Variants in TRANK1 observed in about 807,000 individuals in gnomAD.
TRANK1 encodes TPR and ankyrin repeat-containing protein 1.
Under a neutral mutation model 266.0 loss-of-function variants are expected in TRANK1, and 198 were observed. That is an observed-to-expected ratio of 0.74 (90% CI 0.66 to 0.84). The LOEUF is 0.84. Among genes scored for constraint, TRANK1 ranks in the 40% least tolerant of loss-of-function variants. The pLI, the probability that TRANK1 is intolerant of heterozygous loss-of-function variation, is 0.00. For missense variants in TRANK1, 3,326 were observed against 3,634.6 expected (o/e 0.92, Z 2.18); for synonymous variants, 1,396 against 1,384.1 (o/e 1.01, Z -0.19).
intron 1 of TRANK1, among the ~76,000 whole-genome samples, chr3:36,917,714 G>A (rs2125643814): frequency 6.6e-6 from 1 of 152,204 alleles, no homozygotes; most frequent in South Asian, 2.1e-4. Flanking sequence ...TCTGGAGTTG[G>A]TTTTCCCTAT....
chr3:36,934,103 G>T (rs1403518518), intron 1 of TRANK1, among the ~76,000 whole-genome samples: 1 of 152,242 alleles, frequency 6.6e-6, no homozygotes, highest in Non-Finnish European at 1.5e-5. Flanking sequence ...GGAGAGCCAA[G>T]GTACACAGAG....
At chr3:36,928,089 C>T (rs1237630953) in intron 1 of TRANK1, among the ~76,000 whole-genome samples, 1 of 152,174 alleles carries the variant, frequency 6.6e-6, no homozygotes, top group African/African-American at 2.4e-5. Flanking sequence ...AGTATTACAA[C>T]TGGAAACTAG....
At chr3:36,850,963 C>G in intron 15 of TRANK1, 1 of 985,562 alleles carries the variant, frequency 1.0e-6, no homozygotes, top group Non-Finnish European at 1.2e-6. Context: ...CCCCACAGTA[C>G]AGTCAGCAGC....
At chr3:36,923,381 G>A (rs1385581569) in intron 1 of TRANK1, among the ~76,000 whole-genome samples, 2 of 151,374 alleles carry the variant, frequency 1.3e-5, no homozygotes, top group African/African-American at 4.9e-5. Flanking sequence ...TCAGCCTCCC[G>A]AGTGGCTGGG....
intron 12 of TRANK1, 91 bp downstream of exon 12, chr3:36,858,627 T>G: frequency 1.5e-6 from 2 of 1,366,008 alleles, no homozygotes; most frequent in African/African-American, 1.5e-5. Flanking sequence ...ATCACTGGTT[T>G]ACACAAAAGG....
intron 8 of TRANK1, among the ~76,000 whole-genome samples, chr3:36,878,973 T>C (rs1299221294): frequency 2.6e-5 from 4 of 152,120 alleles, no homozygotes; most frequent in African/African-American, 9.7e-5. Context: ...TTTTTATATA[T>C]AAATGCTTTT....
rs2079093464 is a variant in TRANK1 at position 36,858,768 on chromosome 3, T to A, written c.1622A>T (p.Glu541Val). 1 of 1,537,100 alleles carries A rather than the reference T, an allele frequency of 6.5e-7. No individual in the cohort carries two copies. The change falls in exon 12 of 24, where the codon GAA (glutamate) becomes GTA (valine). Residue 541 changes from glutamate (E) to valine (V), a missense_variant. Coordinates refer to ENST00000645898, the MANE Select transcript of TRANK1 (RefSeq NM_001329998.2). ...TGCTGCATGCAAAGGAGTATCACCT[T>A]CCGTGAGAGAAATAGCACGGGGGTC... The part of the protein sequence containing the change: ...GADPRAISLT[E>V]GDTPLHAALH...
At chr3:36,891,947 C>T (rs1031774104) in intron 7 of TRANK1, among the ~76,000 whole-genome samples, 1 of 152,236 alleles carries the variant, frequency 6.6e-6, no homozygotes, top group African/African-American at 2.4e-5. Flanking sequence ...GGTCCCAGGG[C>T]TCCATCCTCC....
chr3:36,908,571 C>T (rs1358842571), intron 1 of TRANK1, 117 bp from the exon 2 acceptor site: 2 of 1,230,918 alleles, frequency 1.6e-6, no homozygotes, highest in African/African-American at 3.1e-5. Context: ...CACCCACCTT[C>T]AAAGGGCACA....
intron 1 of TRANK1, among the ~76,000 whole-genome samples, chr3:36,932,035 C>T (rs1334854892): frequency 6.6e-6 from 1 of 152,162 alleles, no homozygotes; most frequent in African/African-American, 2.4e-5. Flanking sequence ...TTGTTAGATT[C>T]TTGAATTACA....
At chr3:36,843,686 C>T (rs141296672) in intron 17 of TRANK1, among the ~76,000 whole-genome samples, 2 of 149,054 alleles carry the variant, frequency 1.3e-5, no homozygotes, top group African/African-American at 2.5e-5. Flanking sequence ...ACAGTGAATA[C>T]CAGGGTAATA....
At chr3:36,854,330 G>T (rs999154482) in intron 13 of TRANK1, among the ~76,000 whole-genome samples, 5 of 151,764 alleles carry the variant, frequency 3.3e-5, no homozygotes, top group African/African-American at 1.2e-4. Context: ...ACTGCACTCC[G>T]GCCTGAGCAA....
intron 17 of TRANK1, among the ~76,000 whole-genome samples, chr3:36,845,635 T>G (rs2078904407): frequency 6.6e-6 from 1 of 152,240 alleles, no homozygotes; most frequent in African/African-American, 2.4e-5. Flanking sequence ...CTACCCATAC[T>G]GTTTTAAATT....
intron 8 of TRANK1, among the ~76,000 whole-genome samples, chr3:36,879,853 T>TATACAAATATTTGTAAAC (rs2079477676): frequency 1.2e-5 from 1 of 86,798 alleles, no homozygotes. Flanking sequence ...TATATGTAAA[T>TATACAAATATTTGTAAAC]ATACAAATAT....
intron 1 of TRANK1, among the ~76,000 whole-genome samples, chr3:36,938,497 G>A (rs569212719): frequency 3.5e-4 from 53 of 152,164 alleles, no homozygotes; most frequent in African/African-American, 8.7e-4. Context: ...GATTACAGGC[G>A]TGAGCCACCA....
At chr3:36,941,639 G>A (rs1048401704) in intron 1 of TRANK1, among the ~76,000 whole-genome samples, 2 of 152,156 alleles carry the variant, frequency 1.3e-5, no homozygotes, top group African/African-American at 4.8e-5. Context: ...TGACATTTTT[G>A]TGTTCCAAAG....
chr3:36,888,061 T>G (rs2079632841), intron 8 of TRANK1, among the ~76,000 whole-genome samples: 1 of 152,194 alleles, frequency 6.6e-6, no homozygotes, highest in East Asian at 1.9e-4. Context: ...ACAGCAGCAT[T>G]ATTCATAATA....
At chr3:36,905,003 G>A (rs1227069087) in intron 2 of TRANK1, among the ~76,000 whole-genome samples, 1 of 151,822 alleles carries the variant, frequency 6.6e-6, no homozygotes, top group Non-Finnish European at 1.5e-5. Flanking sequence ...AAAAATCCCT[G>A]GGTAGGCCGG....
intron 1 of TRANK1, among the ~76,000 whole-genome samples, chr3:36,914,965 T>G (rs1449634070): frequency 6.6e-6 from 1 of 150,816 alleles, no homozygotes; most frequent in African/African-American, 2.4e-5. Flanking sequence ...GTTTTTTGTT[T>G]TTTGAGAAAG....
Sources: allele counts gnomAD v4.1 joint callset (sites outside exome capture counted in the v4.1 genomes callset), GRCh38; gene constraint gnomAD v4.1.1; transcripts MANE v1.5; gene names NCBI Gene and HGNC (gene_info 2026-07-23, HGNC 2026-07-21).